PCDH11X: variants seen among roughly 807,000 people sequenced by gnomAD.
PCDH11X encodes the protein protocadherin 11 X-linked.
PCDH11X carries 18 observed loss-of-function variants against 53.3 expected under a neutral mutation model. The ratio of observed to expected loss-of-function variants is 0.34; its 90% confidence interval spans 0.23 to 0.50. PCDH11X has a LOEUF of 0.50. PCDH11X is among the 20% of genes least tolerant of loss of function. The pLI is 0.98. For synonymous variants in PCDH11X, 279 were observed against 393.3 expected (o/e 0.71, Z 3.44); for missense variants, 570 against 1,032.4 (o/e 0.55, Z 6.14).
intron 6 of PCDH11X, among the ~76,000 whole-genome samples, chrX:92,103,687 C>T (rs35749380): frequency 7.1e-5 from 8 of 112,236 alleles, no homozygotes; most frequent in South Asian, 3.7e-4. Flanking sequence ...GCCAGATTTC[C>T]GGCATGTGTA....
intron 6 of PCDH11X, among the ~76,000 whole-genome samples, chrX:91,884,208 AAAAAG>A (rs1940090525): frequency 4.6e-5 from 5 of 109,216 alleles, no homozygotes; most frequent in African/African-American, 1.7e-4. Context: ...AAAAAAAAAA[AAAAAG>A]AAAAAAAGTT....
chrX:91,921,492 C>A (rs1021227554), intron 6 of PCDH11X, among the ~76,000 whole-genome samples: 13 of 106,993 alleles, frequency 1.2e-4, no homozygotes, highest in African/African-American at 4.1e-4. Flanking sequence ...CAACCCCTGG[C>A]AACCACTGAT....
At chrX:92,236,012 A>G (rs1339369361) in intron 7 of PCDH11X, among the ~76,000 whole-genome samples, 1 of 111,926 alleles carries the variant, frequency 8.9e-6, no homozygotes. Context: ...TGCTAATATA[A>G]TTGTAATAAA....
chrX:92,321,262 G>A (rs1466867762), intron 8 of PCDH11X, among the ~76,000 whole-genome samples: 7 of 101,945 alleles, frequency 6.9e-5, no homozygotes, highest in Admixed American at 4.4e-4. Flanking sequence ...GCGCAATCTC[G>A]GCTCACTGCG....
chrX:92,608,901 A>G (rs1048957305), intron 10 of PCDH11X, among the ~76,000 whole-genome samples: 1 of 110,904 alleles, frequency 9.0e-6, no homozygotes, highest in African/African-American at 3.3e-5. Flanking sequence ...CTGCTAGTCA[A>G]CATTACCTGA....
chrX:92,503,900 A>G (rs1308106830), intron 10 of PCDH11X, among the ~76,000 whole-genome samples: 2 of 107,313 alleles, frequency 1.9e-5, no homozygotes, highest in Non-Finnish European at 3.8e-5. Flanking sequence ...ATTGAAGAGT[A>G]TGACCATGAG....
Position 92,296,596 on chromosome X carries a change from G to A in PCDH11X, c.3144+33453G>A, listed in dbSNP as rs778098661. ...CATGATCTTGTTCTTTTTTATGGCT[G>A]CATAGTATTCCATGATACCTATGTA... On this transcript the variant is annotated intron_variant, in intron 8 of 10. Transcript: ENST00000682573. Among the ~76,000 whole-genome samples, 524 of 111,405 alleles carry A rather than the reference G, an allele frequency of 4.7e-3. 2 individuals are homozygous for A. Among genetic ancestry groups the A allele is most frequent in the African/African-American group, 0.017 (509 of 30,592 alleles).
intron 10 of PCDH11X, among the ~76,000 whole-genome samples, chrX:92,504,976 A>T (rs767820054): frequency 9.2e-6 from 1 of 109,127 alleles, no homozygotes; most frequent in African/African-American, 3.3e-5. Flanking sequence ...TGAATGGGGA[A>T]TGCTTTCAGC....
At chrX:92,188,556 A>G (rs1418418878) in intron 6 of PCDH11X, among the ~76,000 whole-genome samples, 2 of 111,813 alleles carry the variant, frequency 1.8e-5, no homozygotes, top group South Asian at 3.7e-4. Context: ...AGAAAACAAC[A>G]TTATTGAAAG....
intron 10 of PCDH11X, among the ~76,000 whole-genome samples, chrX:92,605,477 CA>C (rs199636158): frequency 9.7e-4 from 106 of 109,234 alleles, no homozygotes; most frequent in Non-Finnish European, 1.6e-3. Context: ...AGTAACTAGG[CA>C]AAAAAAATAA....
intron 6 of PCDH11X, among the ~76,000 whole-genome samples, chrX:91,905,143 A>G (rs1236060110): frequency 9.6e-6 from 1 of 104,595 alleles, no homozygotes; most frequent in Non-Finnish European, 1.9e-5. Flanking sequence ...TGTTATTATT[A>G]TTTTGAGATG....
At position 92,206,069 on chromosome X, in the gene PCDH11X, T is replaced by C. The variant is rs186701466; in HGVS notation, c.3114+4614T>C. Among the ~76,000 whole-genome samples, 5 of 112,022 alleles carry C rather than the reference T, an allele frequency of 4.5e-5. No individual in the cohort carries two copies. The East Asian group carries it at 8.5e-4, about 19-fold the overall frequency. Reference sequence around the variant, plus strand: ...ATTATTTCTTACACAGGGAGTACTTTTTTCTTGAAGATCTTTTTAAAGTTA... The same window carrying C: ...ATTATTTCTTACACAGGGAGTACTTCTTTCTTGAAGATCTTTTTAAAGTTA... On this transcript the variant is annotated intron_variant, in intron 7 of 10. Coordinates refer to ENST00000682573, the MANE Select transcript of PCDH11X (RefSeq NM_032968.5).
intron 10 of PCDH11X, among the ~76,000 whole-genome samples, chrX:92,482,415 A>T (rs1447555894): frequency 1.8e-5 from 2 of 109,783 alleles, no homozygotes; most frequent in African/African-American, 6.6e-5. Context: ...ATTTTCTATG[A>T]ATTAGAAAAT....
intron 6 of PCDH11X, among the ~76,000 whole-genome samples, chrX:92,058,667 A>T (rs1240276738): frequency 9.0e-6 from 1 of 111,021 alleles, no homozygotes; most frequent in African/African-American, 3.3e-5. Flanking sequence ...GAAGAAAGAG[A>T]TATTGTACTT....
At chrX:92,556,037 C>T (rs1313680325) in intron 10 of PCDH11X, among the ~76,000 whole-genome samples, 1 of 109,997 alleles carries the variant, frequency 9.1e-6, no homozygotes, top group Non-Finnish European at 1.9e-5. Context: ...ACTTATAAAA[C>T]TATCAGATCT....
chrX:92,234,261 T>C, intron 7 of PCDH11X, among the ~76,000 whole-genome samples: 1 of 111,993 alleles, frequency 8.9e-6, no homozygotes, highest in East Asian at 2.8e-4. Context: ...AAGAAGACTC[T>C]CACTAGTCAG....
At position 92,187,681 on chromosome X, in the gene PCDH11X, C is replaced by T. The variant is rs201263705; in HGVS notation, c.3034-13694C>T. On this transcript the variant is annotated intron_variant, in intron 6 of 10. Transcript: ENST00000682573. ...TGAAATAACAGATGGTTGAGGTTTT[C>T]GTTTAACAAAGAAAGAAATGCAAAA... Among the ~76,000 whole-genome samples, 4 of 111,527 alleles carry T rather than the reference C, an allele frequency of 3.6e-5. No homozygotes were observed. The East Asian group carries it at 1.1e-3, about 32-fold the overall frequency.
intron 6 of PCDH11X, chrX:92,113,979 A>G: frequency 8.3e-7 from 1 of 1,207,963 alleles, no homozygotes; most frequent in Non-Finnish European, 1.1e-6. Context: ...TATCAAACAC[A>G]CAGCTAGGGG....
chrX:92,191,690 G>A (rs1388032876), intron 6 of PCDH11X, among the ~76,000 whole-genome samples: 3 of 112,205 alleles, frequency 2.7e-5, no homozygotes, highest in Admixed American at 9.5e-5. Context: ...TAATGAATTA[G>A]TGAAGTTCTT....
Sources: gnomAD v4.1 joint callset for allele counts (sites outside exome capture counted in the v4.1 genomes callset) on GRCh38, gnomAD v4.1.1 for gene constraint, MANE v1.5 for transcripts, NCBI Gene and HGNC (gene_info 2026-07-23, HGNC 2026-07-21) for gene names.